Variants in ZSWIM5 observed in about 807,000 individuals in gnomAD.
ZSWIM5 encodes zinc finger SWIM domain-containing protein 5.
In ZSWIM5, 55 loss-of-function variants were observed where a neutral mutation model predicts 119.6. The ratio of observed to expected loss-of-function variants is 0.46; its 90% CI spans 0.37 to 0.58. ZSWIM5 has a LOEUF of 0.58. Ranked by LOEUF, ZSWIM5 falls within the 20% of genes least tolerant of loss-of-function variation. The probability of loss-of-function intolerance (pLI) is 0.00; values close to 1 mark genes in which losing one functional copy is unlikely to be tolerated. For missense variants in ZSWIM5, 1,193 were observed against 1,512.8 expected (o/e 0.79, Z 3.51); for synonymous variants, 537 against 606.9 (o/e 0.88, Z 1.69).
At chr1:45,147,516 A>G (rs923893577) in intron 1 of ZSWIM5, among the ~76,000 whole-genome samples, 3 of 151,120 alleles carry the variant, frequency 2.0e-5, no homozygotes, top group Non-Finnish European at 4.4e-5. Flanking sequence ...ACACAACTGT[A>G]CATTCAAATA....
chr1:45,132,038 C>A (rs147425850), intron 1 of ZSWIM5, among the ~76,000 whole-genome samples: 369 of 149,074 alleles, frequency 2.5e-3, no homozygotes, highest in African/African-American at 7.7e-3. Flanking sequence ...GCAGAAAGAT[C>A]AAAAAATTTT....
At chr1:45,188,085 T>C (rs1570200189) in intron 1 of ZSWIM5, among the ~76,000 whole-genome samples, 1 of 152,210 alleles carries the variant, frequency 6.6e-6, no homozygotes, top group Non-Finnish European at 1.5e-5. Flanking sequence ...CCAACAATTC[T>C]ACTCTTAGAT....
At chr1:45,102,360 T>C (rs1007091073) in intron 1 of ZSWIM5, among the ~76,000 whole-genome samples, 3 of 152,208 alleles carry the variant, frequency 2.0e-5, no homozygotes, top group African/African-American at 7.2e-5. Flanking sequence ...TCTCATTTCC[T>C]TCTCATGCTA....
At chr1:45,148,274 C>T (rs1186572438) in intron 1 of ZSWIM5, among the ~76,000 whole-genome samples, 2 of 152,104 alleles carry the variant, frequency 1.3e-5, no homozygotes, top group Non-Finnish European at 2.9e-5. Flanking sequence ...TAACCAAATA[C>T]TACATCAAAA....
chr1:45,077,263 C>T (rs983011514), intron 2 of ZSWIM5, among the ~76,000 whole-genome samples: 7 of 152,128 alleles, frequency 4.6e-5, no homozygotes, highest in Non-Finnish European at 8.8e-5. Flanking sequence ...CCAATAATCA[C>T]GTAGGTTCTT....
At chr1:45,036,345 G>A (rs1644983951) in intron 8 of ZSWIM5, 46 bp from the exon 9 acceptor site, 3 of 1,502,414 alleles carry the variant, frequency 2.0e-6, no homozygotes, top group Non-Finnish European at 2.6e-6. Context: ...GCTTGGTAGA[G>A]TCTTCTTTCT....
At chr1:45,163,244 C>G (rs892771596) in intron 1 of ZSWIM5, among the ~76,000 whole-genome samples, 12 of 152,318 alleles carry the variant, frequency 7.9e-5, no homozygotes, top group Non-Finnish European at 1.6e-4. Flanking sequence ...TCCAACAGAC[C>G]TGCAGCTGAG....
At chr1:45,101,949 T>A (rs1406401454) in intron 1 of ZSWIM5, among the ~76,000 whole-genome samples, 2 of 151,736 alleles carry the variant, frequency 1.3e-5, no homozygotes, top group East Asian at 1.9e-4. Flanking sequence ...AAATGACGAG[T>A]TAATGAGTGC....
At position 45,058,744 on chromosome 1, in the gene ZSWIM5, G is replaced by T; in HGVS notation, c.1117C>A (p.Arg373=). The change falls in exon 4 of 14, where the codon CGG becomes AGG. Residue 373 remains arginine, a synonymous_variant. Transcript: ENST00000359600. The part of the protein sequence containing the change: ...SMFAKVREML[R]MRDSNGARML... ...CTTGCTCCATTGGAATCTCTCATCC[G>T]CAGCATTTCTCGAACCTGACACATA... The T allele has an allele frequency of 6.2e-7, 1 of 1,614,026 alleles. No homozygotes were observed. Among genetic ancestry groups the T allele is most frequent in the Non-Finnish European group, 8.5e-7 (1 of 1,180,028 alleles).
At chr1:45,191,265 T>G (rs961827916) in intron 1 of ZSWIM5, among the ~76,000 whole-genome samples, 1 of 152,128 alleles carries the variant, frequency 6.6e-6, no homozygotes, top group Non-Finnish European at 1.5e-5. Context: ...CCTACCTTGC[T>G]CAGTCATTTG....
intron 1 of ZSWIM5, among the ~76,000 whole-genome samples, chr1:45,199,523 T>G (rs2149056902): frequency 6.6e-6 from 1 of 152,148 alleles, no homozygotes; most frequent in South Asian, 2.1e-4. Flanking sequence ...ATGGTCTTGA[T>G]CTCCTGACCT....
At chr1:45,118,499 C>T (rs1645572047) in intron 1 of ZSWIM5, among the ~76,000 whole-genome samples, 1 of 152,026 alleles carries the variant, frequency 6.6e-6, no homozygotes, top group African/African-American at 2.4e-5. Flanking sequence ...CCCAGTACTT[C>T]GGGATACCGA....
At chr1:45,205,426 A>G (rs1335532485) in intron 1 of ZSWIM5, among the ~76,000 whole-genome samples, 1 of 152,156 alleles carries the variant, frequency 6.6e-6, no homozygotes, top group African/African-American at 2.4e-5. Flanking sequence ...CTCCAAACTT[A>G]AATTAGGACA....
chr1:45,062,669 T>C (rs1021874332), intron 2 of ZSWIM5, among the ~76,000 whole-genome samples: 1 of 152,000 alleles, frequency 6.6e-6, no homozygotes, highest in Non-Finnish European at 1.5e-5. Context: ...CCCAACTAAT[T>C]TATTTTTAAA....
chr1:45,198,175 C>T (rs1470802778), intron 1 of ZSWIM5, among the ~76,000 whole-genome samples: 1 of 152,220 alleles, frequency 6.6e-6, no homozygotes, highest in African/African-American at 2.4e-5. Context: ...ACAAACTTTC[C>T]ACTTGACAGG....
Position 45,191,053 on chromosome 1 carries a change from T to C in ZSWIM5, c.595+14703A>G, listed in dbSNP as rs943528286. ...GCTGCGCCTCCCAGGTTCACGCCATTCTCCTGCCTCAGCCTCCCGAGTAGC... is the reference window on the plus strand; with the variant it reads ...GCTGCGCCTCCCAGGTTCACGCCATCCTCCTGCCTCAGCCTCCCGAGTAGC... On this transcript the variant is annotated intron_variant, in intron 1 of 13. Transcript: ENST00000359600. Among the ~76,000 whole-genome samples the C allele has an allele frequency of 2.1e-5, 3 of 144,680 alleles. No homozygotes were observed. The Admixed American group carries it at 2.1e-4, about 10-fold the overall frequency. 94.9% of individuals were successfully genotyped at this position (144,680 alleles called of 152,430 possible). A position where few individuals can be genotyped will look rare whatever the true frequency, so the allele number is the denominator to read the frequency against.
chr1:45,020,593 T>C (rs746810977), intron 12 of ZSWIM5, 32 bp downstream of exon 12: 1 of 1,608,306 alleles, frequency 6.2e-7, no homozygotes. Flanking sequence ...GTCAGCGGTC[T>C]AAACTGTGGA....
At chr1:45,080,749 A>G (rs977085580) in intron 2 of ZSWIM5, among the ~76,000 whole-genome samples, 1 of 152,024 alleles carries the variant, frequency 6.6e-6, no homozygotes, top group Non-Finnish European at 1.5e-5. Context: ...TTCTTTCTGG[A>G]TAAGAGGAAC....
At chr1:45,069,828 T>G in intron 2 of ZSWIM5, 1 of 304,968 alleles carries the variant, frequency 3.3e-6, no homozygotes, top group South Asian at 5.2e-5. Context: ...AGGCCAAGCT[T>G]CAATATGCTT....
Sources: allele counts gnomAD v4.1 joint callset (sites outside exome capture counted in the v4.1 genomes callset), GRCh38; gene constraint gnomAD v4.1.1; transcripts MANE v1.5; gene names NCBI Gene and HGNC (gene_info 2026-07-23, HGNC 2026-07-21).